CNIH3: variants seen among roughly 807,000 people sequenced by gnomAD.
The protein encoded by CNIH3 is cornichon family AMPA receptor auxiliary protein 3, also known as protein cornichon homolog 3.
Under a neutral mutation model 24.1 loss-of-function variants are expected in CNIH3, and 14 were observed. The ratio of observed to expected loss-of-function variants is 0.58; its 90% CI spans 0.38 to 0.91. The LOEUF (loss-of-function observed/expected upper bound fraction) is 0.91, where lower values mean the gene tolerates loss of function less well. Ranked by LOEUF, CNIH3 falls within the 40% of genes least tolerant of loss-of-function variation. The probability of loss-of-function intolerance (pLI) is 0.00; values close to 1 mark genes in which losing one functional copy is unlikely to be tolerated. For missense variants in CNIH3, 178 were observed against 196.8 expected (o/e 0.90, Z 0.57); for synonymous variants, 68 against 73.8 (o/e 0.92, Z 0.40).
At chr1:224,549,215 T>C (rs1198881408) in intron 3 of CNIH3, among the ~76,000 whole-genome samples, 1 of 152,108 alleles carries the variant, frequency 6.6e-6, no homozygotes, top group Non-Finnish European at 1.5e-5. Flanking sequence ...ACACACACAC[T>C]GGATGTTATG....
At chr1:224,587,944 T>TAA (rs200359928) in intron 5 of CNIH3, among the ~76,000 whole-genome samples, 62 of 145,844 alleles carry the variant, frequency 4.3e-4, no homozygotes, top group South Asian at 2.4e-3. Flanking sequence ...CTGTTTCCAT[T>TAA]AAAAAAAAAA....
At chr1:224,707,729 T>G (rs1216660745) in intron 3 of CNIH3, among the ~76,000 whole-genome samples, 1 of 152,188 alleles carries the variant, frequency 6.6e-6, no homozygotes, top group Non-Finnish European at 1.5e-5. Flanking sequence ...GCACATTATT[T>G]TGAGCAACAT....
At chr1:224,486,704 G>A (rs1052415897) in intron 1 of CNIH3, among the ~76,000 whole-genome samples, 12 of 152,184 alleles carry the variant, frequency 7.9e-5, no homozygotes, top group African/African-American at 2.9e-4. Context: ...ACTAGTTGGT[G>A]CAGCTTTTTA....
chr1:224,735,026 TCCTG>T (rs1219344452), intron 5 of CNIH3, among the ~76,000 whole-genome samples: 4 of 152,248 alleles, frequency 2.6e-5, no homozygotes, highest in Non-Finnish European at 5.9e-5. Flanking sequence ...CTATAGGGCT[TCCTG>T]CCTCTCACGA....
intron 1 of CNIH3, chr1:224,661,691 A>G (rs1228208420): frequency 4.8e-6 from 1 of 207,300 alleles, no homozygotes. Flanking sequence ...CTGGTTTAAT[A>G]TAAATTAAGC....
chr1:224,614,639 C>CA (rs1355015831), upstream of CNIH3, among the ~76,000 whole-genome samples: 2 of 150,266 alleles, frequency 1.3e-5, no homozygotes, highest in African/African-American at 4.9e-5. Context: ...AGACTGTCTT[C>CA]AAAAAAATAA....
At chr1:224,511,984 T>C (rs1344887389), upstream of CNIH3, among the ~76,000 whole-genome samples, 2 of 151,540 alleles carry the variant, frequency 1.3e-5, no homozygotes, top group Non-Finnish European at 2.9e-5. Flanking sequence ...GAGACCAGCC[T>C]GACCAACATG....
rs551461350 is a variant in CNIH3, at chr1:224,655,384, G to A, written c.82-25574G>A. Among the ~76,000 whole-genome samples, 9 of 152,316 alleles carry A rather than the reference G, an allele frequency of 5.9e-5. No homozygotes were observed. In the South Asian group the frequency reaches 1.9e-3, roughly 32 times the overall value. On this transcript the variant is annotated intron_variant, in intron 1 of 5. Transcript: ENST00000272133. ...TCTTCAGAGCCTGCCAGGGCCGTGG[G>A]CAGGGTGGAGAAGGGTGAAGAGGGA... is the stretch of plus-strand genomic sequence containing the variant.
In CNIH3 at chr1:224,693,403, G is replaced by A. The variant is rs552956588; in HGVS notation, c.198+8560G>A. Among the ~76,000 whole-genome samples the A allele has an allele frequency of 2.6e-5, 4 of 152,344 alleles. No individual in the cohort carries two copies. In the South Asian group the frequency reaches 6.2e-4, roughly 24 times the overall value. ...TAATAAGGTATCAAACCAGCTTACA[G>A]CAACCATAATTTATTTCTCACGAGT... On this transcript the variant is annotated intron_variant, in intron 3 of 5. Coordinates refer to ENST00000272133, the MANE Select transcript of CNIH3 (RefSeq NM_152495.2).
At chr1:224,498,713 A>G (rs1275158864) in intron 1 of CNIH3, among the ~76,000 whole-genome samples, 1 of 152,218 alleles carries the variant, frequency 6.6e-6, no homozygotes, top group Non-Finnish European at 1.5e-5. Flanking sequence ...TGGAGAATGC[A>G]TCAGAACACG....
At chr1:224,509,503 T>C (rs1678053794) in intron 1 of CNIH3, among the ~76,000 whole-genome samples, 3 of 152,140 alleles carry the variant, frequency 2.0e-5, no homozygotes, top group Non-Finnish European at 4.4e-5. Context: ...GCCCAATCCA[T>C]GCAGCCCCTT....
chr1:224,717,217 G>T (rs949522231), intron 3 of CNIH3, among the ~76,000 whole-genome samples: 5 of 152,190 alleles, frequency 3.3e-5, no homozygotes, highest in African/African-American at 9.7e-5. Context: ...AGTTCTGGAG[G>T]TTAAAACCTC....
chr1:224,650,172 T>G (rs1558253063), intron 1 of CNIH3, among the ~76,000 whole-genome samples: 1 of 152,182 alleles, frequency 6.6e-6, no homozygotes, highest in Non-Finnish European at 1.5e-5. Context: ...ACCACACTCT[T>G]AACTAGCTTT....
intron 5 of CNIH3, among the ~76,000 whole-genome samples, chr1:224,738,235 G>C (rs1689695742): frequency 6.6e-6 from 1 of 152,354 alleles, no homozygotes; most frequent in African/African-American, 2.4e-5. Flanking sequence ...CCAGCACTGA[G>C]AATAGTGTCT....
At chr1:224,619,779 C>T (rs1185792749) in intron 1 of CNIH3, among the ~76,000 whole-genome samples, 1 of 152,142 alleles carries the variant, frequency 6.6e-6, no homozygotes, top group African/African-American at 2.4e-5. Context: ...TATATCAGTA[C>T]CCCAAAAAAT....
chr1:224,545,140 A>T (rs962227019), intron 2 of CNIH3, among the ~76,000 whole-genome samples: 3 of 152,244 alleles, frequency 2.0e-5, no homozygotes, highest in Admixed American at 6.5e-5. Context: ...TGCAATGTAT[A>T]TGTACAAACG....
intron 1 of CNIH3, among the ~76,000 whole-genome samples, chr1:224,509,555 G>T (rs1187803669): frequency 1.3e-5 from 2 of 152,094 alleles, no homozygotes; most frequent in African/African-American, 4.8e-5. Flanking sequence ...GGCTCTTGCT[G>T]TCCTGTCCTC....
chr1:224,505,002 C>CTCCG (rs1677836418), intron 1 of CNIH3, among the ~76,000 whole-genome samples: 1 of 65,300 alleles, frequency 1.5e-5, no homozygotes, highest in Non-Finnish European at 3.2e-5. Context: ...CTTTCCCTCC[C>CTCCG]TCCCTCCCTC....
chr1:224,492,320 C>G (rs1278484851), intron 1 of CNIH3, among the ~76,000 whole-genome samples: 1 of 152,170 alleles, frequency 6.6e-6, no homozygotes, highest in Non-Finnish European at 1.5e-5. Flanking sequence ...GCATTCCTCC[C>G]CAACCTGTAA....
Sources: allele counts gnomAD v4.1 joint callset (sites outside exome capture counted in the v4.1 genomes callset), GRCh38; gene constraint gnomAD v4.1.1; transcripts MANE v1.5; gene names NCBI Gene and HGNC (gene_info 2026-07-23, HGNC 2026-07-21).